CC2D2B: variants seen among roughly 807,000 people sequenced by gnomAD.
The protein encoded by CC2D2B is protein CC2D2B.
CC2D2B carries 128 observed loss-of-function variants against 161.2 expected under a neutral mutation model. The ratio of observed to expected loss-of-function variants is 0.79; its 90% CI spans 0.69 to 0.92. CC2D2B has a LOEUF of 0.92. CC2D2B is among the 40% of genes least tolerant of loss of function. The pLI, the probability that CC2D2B is intolerant of heterozygous loss-of-function variation, is 0.00. For missense variants in CC2D2B, 1,173 were observed against 1,375.1 expected (o/e 0.85, Z 2.32); for synonymous variants, 391 against 449.8 (o/e 0.87, Z 1.65).
At chr10:95,998,337 A>T (rs977452424) in intron 24 of CC2D2B, among the ~76,000 whole-genome samples, 46 of 152,166 alleles carry the variant, frequency 3.0e-4, no homozygotes, top group African/African-American at 1.1e-3. Context: ...GGTTTTGACA[A>T]ATGTACAGTG....
intron 27 of CC2D2B, 25 bp from the exon 28 acceptor site, chr10:96,012,507 T>G: frequency 6.6e-7 from 1 of 1,506,452 alleles, no homozygotes. Context: ...AGTACAATTC[T>G]GAAATACTTT....
At chr10:95,967,256 G>A (rs1274542922) in intron 14 of CC2D2B, among the ~76,000 whole-genome samples, 1 of 152,044 alleles carries the variant, frequency 6.6e-6, no homozygotes, top group Non-Finnish European at 1.5e-5. Context: ...ACTTTATTAT[G>A]TAGGACACCC....
chr10:95,927,761 C>A (rs1375461104), intron 6 of CC2D2B, among the ~76,000 whole-genome samples: 2 of 149,760 alleles, frequency 1.3e-5, no homozygotes, highest in African/African-American at 2.5e-5. Context: ...TCTCCACAAT[C>A]TCCACTACTC....
chr10:96,021,912 C>T (rs2079478755), intron 32 of CC2D2B, among the ~76,000 whole-genome samples: 1 of 152,162 alleles, frequency 6.6e-6, no homozygotes, highest in African/African-American at 2.4e-5. Context: ...GGTGGATGTT[C>T]ATTACATTAT....
Position 95,993,946 on chromosome 10 carries a change from G to GTA in CC2D2B, c.2642+1251_2642+1252dup, listed in dbSNP as rs1424075597. The stretch of plus-strand genomic sequence containing the variant: ...TGTGTGTGTGTGTGTGTGTGTGTAT[G>GTA]TATGTGTATATATATATATATATAT... On this transcript the variant is annotated intron_variant, in intron 22 of 34. Coordinates refer to ENST00000646931, the MANE Select transcript of CC2D2B (RefSeq NM_001349008.3). 7.9e-3 allele frequency among the ~76,000 whole-genome samples: 228 copies of GTA among 28,834 alleles called. 2 individuals are homozygous for GTA. The highest frequency in any genetic ancestry group is 0.014 in the Non-Finnish European group (168 of 11,866). The allele number at this position is 28,834 out of a possible 152,430, so 18.9% of individuals were successfully genotyped here. A position where few individuals can be genotyped will look rare whatever the true frequency, so the allele number is the denominator to read the frequency against.
chr10:95,990,766 A>G lies in CC2D2B; in HGVS notation c.2380-604A>G, dbSNP rs139859034. 5.7e-3 allele frequency among the ~76,000 whole-genome samples: 874 copies of G among 152,330 alleles called. 5 individuals are homozygous for G. The highest frequency in any genetic ancestry group is 0.014 in the Middle Eastern group (4 of 294). On this transcript the variant is annotated intron_variant, in intron 20 of 34. Transcript: ENST00000646931. ...GTTTCATATCTGAAAAACTAAAGACAGGGTAAGAGGAGAAAGGGAAGGATT... is the reference window on the plus strand; with the variant it reads ...GTTTCATATCTGAAAAACTAAAGACGGGGTAAGAGGAGAAAGGGAAGGATT...
chr10:95,944,884 G>A (rs1397359612), intron 9 of CC2D2B, among the ~76,000 whole-genome samples: 1 of 152,208 alleles, frequency 6.6e-6, no homozygotes, highest in Non-Finnish European at 1.5e-5. Flanking sequence ...TGCAGCTGCT[G>A]TGATTTGAAT....
intron 33 of CC2D2B, among the ~76,000 whole-genome samples, chr10:96,026,997 C>A (rs938322858): frequency 6.6e-6 from 1 of 152,152 alleles, no homozygotes; most frequent in Non-Finnish European, 1.5e-5. Context: ...GTGGCAGGTG[C>A]CTGTAATCCC....
intron 24 of CC2D2B, chr10:96,000,279 C>T (rs1402046697): frequency 2.2e-5 from 23 of 1,040,326 alleles, no homozygotes; most frequent in Admixed American, 4.3e-5. Flanking sequence ...CTGCTCCAGC[C>T]GAAAGGATAC....
intron 24 of CC2D2B, among the ~76,000 whole-genome samples, chr10:95,997,646 C>T (rs1405962855): frequency 7.2e-5 from 11 of 152,214 alleles, no homozygotes; most frequent in Admixed American, 7.2e-4. Flanking sequence ...GCCTGGCCTC[C>T]CAGAGTGCTG....
intron 1 of CC2D2B, among the ~76,000 whole-genome samples, chr10:95,909,278 T>G (rs1478984911): frequency 6.6e-6 from 1 of 152,238 alleles, no homozygotes; most frequent in Non-Finnish European, 1.5e-5. Context: ...AATTGTTAAG[T>G]TAAATTCCAC....
chr10:95,937,381 G>A (rs1035647028), intron 6 of CC2D2B, among the ~76,000 whole-genome samples: 1 of 152,060 alleles, frequency 6.6e-6, no homozygotes, highest in Non-Finnish European at 1.5e-5. Flanking sequence ...AAATTTATGA[G>A]TATGATACAT....
intron 6 of CC2D2B, among the ~76,000 whole-genome samples, chr10:95,934,728 A>G (rs2075754998): frequency 6.6e-6 from 1 of 152,062 alleles, no homozygotes; most frequent in South Asian, 2.1e-4. Context: ...CCACTGTCTA[A>G]TCAGTCCCAG....
At chr10:95,977,040 G>A (rs781691021) in intron 17 of CC2D2B, among the ~76,000 whole-genome samples, 10 of 147,666 alleles carry the variant, frequency 6.8e-5, no homozygotes, top group Non-Finnish European at 1.0e-4. Flanking sequence ...ATGAGCCACC[G>A]CACCCAGCCC....
intron 3 of CC2D2B, 32 bp from the exon 4 acceptor site, chr10:95,924,282 A>T (rs1020928169): frequency 8.3e-7 from 1 of 1,200,764 alleles, no homozygotes; most frequent in African/African-American, 1.6e-5. Flanking sequence ...ATAAAGTGTC[A>T]TAAACTCTTT....
At chr10:95,936,907 C>T (rs1232306444) in intron 6 of CC2D2B, among the ~76,000 whole-genome samples, 1 of 152,108 alleles carries the variant, frequency 6.6e-6, no homozygotes, top group Non-Finnish European at 1.5e-5. Flanking sequence ...TATGAGAGCT[C>T]CAGTTGGAGC....
chr10:95,966,426 C>A (rs1190897598), intron 14 of CC2D2B, 124 bp downstream of exon 14: 8 of 362,406 alleles, frequency 2.2e-5, no homozygotes, highest in Middle Eastern at 7.3e-4. Context: ...TTTAAAAACA[C>A]ATTTTCATAT....
In CC2D2B at chr10:95,922,052, A is replaced by G; in HGVS notation, c.73A>G (p.Ile25Val). 6.5e-7 allele frequency: 1 copy of G among 1,541,806 alleles called. No individual in the cohort carries two copies. The highest frequency in any genetic ancestry group is 1.2e-5 in the South Asian group (1 of 82,950). ...EEMDNITAEE[I>V]IDKHLQKDLD... The stretch of plus-strand genomic sequence containing the variant: ...GATGGATAATATTACAGCTGAAGAA[A>G]TTATAGACAAGCATCTCCAAAAAGG... Residue 25 changes from isoleucine to valine, a missense_variant, in exon 3 of 35, where the codon ATT (isoleucine) becomes GTT (valine). Physicochemically the swap from Ile to Val is conservative, Grantham distance 29 (BLOSUM62 3). This residue lies in a region of CC2D2B where 298 missense variants were observed against 261.2 expected (regional missense o/e 1.14). Transcript: ENST00000646931.
chr10:95,999,745 CT>C (rs746798457), intron 24 of CC2D2B: 20,874 of 175,018 alleles, frequency 0.12, 754 homozygotes, highest in African/African-American at 0.21. Context: ...GTCCAGAGGT[CT>C]TTTTTTTTTT....
Sources: allele counts gnomAD v4.1 joint callset (sites outside exome capture counted in the v4.1 genomes callset), GRCh38; gene constraint gnomAD v4.1.1; regional missense constraint gnomAD v4.1.1; transcripts MANE v1.5; gene names NCBI Gene and HGNC (gene_info 2026-07-23, HGNC 2026-07-21).